The following ZBTB20 variants were observed in gnomAD, a reference collection of about 807,000 sequenced individuals.
ZBTB20 encodes the protein zinc finger and BTB domain containing 20.
In ZBTB20, 9 loss-of-function variants were observed where a neutral mutation model predicts 56.9. That is an observed-to-expected ratio of 0.16 (90% CI 0.10 to 0.28). The LOEUF is 0.28. Ranked by LOEUF, ZBTB20 falls within the 10% of genes least tolerant of loss-of-function variation. ZBTB20 has a pLI of 1.00. For synonymous variants in ZBTB20, 417 were observed against 420.7 expected (o/e 0.99, Z 0.11); for missense variants, 655 against 1,003.0 (o/e 0.65, Z 4.69).
At chr3:114,417,598 T>C (rs1291500636) in intron 7 of ZBTB20, among the ~76,000 whole-genome samples, 2 of 152,114 alleles carry the variant, frequency 1.3e-5, no homozygotes, top group East Asian at 1.9e-4. Context: ...ATTTCTGCAG[T>C]GTTCAATTTT....
chr3:114,986,127 G>A lies in ZBTB20; in HGVS notation c.-506-11711C>T, dbSNP rs569363401. Among the ~76,000 whole-genome samples, 4 of 152,154 alleles carry A rather than the reference G, an allele frequency of 2.6e-5. No homozygotes were observed. In the South Asian group the frequency reaches 8.3e-4, roughly 32 times the overall value. ...GACTTGTGTTAGAATCTGCTTTTCT[G>A]TGATACACATTTTGCTTTTATATGA... is the stretch of plus-strand genomic sequence containing the variant. On this transcript the variant is annotated intron_variant, in intron 2 of 11. Transcript: ENST00000675478.
intron 6 of ZBTB20, among the ~76,000 whole-genome samples, chr3:114,665,026 A>C (rs1045565960): frequency 6.6e-6 from 1 of 152,112 alleles, no homozygotes; most frequent in Non-Finnish European, 1.5e-5. Context: ...AGGAAAAGCT[A>C]AACTGATGGA....
chr3:114,560,702 T>A (rs1312526935), intron 6 of ZBTB20, among the ~76,000 whole-genome samples: 2 of 152,308 alleles, frequency 1.3e-5, no homozygotes, highest in Non-Finnish European at 2.9e-5. Flanking sequence ...TGAGTGGTAA[T>A]CTTTTTGCTG....
chr3:114,830,012 C>G (rs1319161268), intron 4 of ZBTB20, among the ~76,000 whole-genome samples: 1 of 151,918 alleles, frequency 6.6e-6, no homozygotes, highest in African/African-American at 2.4e-5. Flanking sequence ...GTCAACTGAT[C>G]TCTATGAGTT....
At chr3:114,618,082 T>C (rs1368482714) in intron 6 of ZBTB20, among the ~76,000 whole-genome samples, 1 of 151,438 alleles carries the variant, frequency 6.6e-6, no homozygotes, top group Non-Finnish European at 1.5e-5. Flanking sequence ...GATTTCTGTT[T>C]TTTTTTTTCT....
At chr3:114,365,669 A>G (rs1345249639) in intron 10 of ZBTB20, among the ~76,000 whole-genome samples, 1 of 152,230 alleles carries the variant, frequency 6.6e-6, no homozygotes, top group Non-Finnish European at 1.5e-5. Context: ...TGGGAGTGGG[A>G]AAACCTTTCC....
chr3:114,389,357 G>A (rs905233235), intron 7 of ZBTB20, among the ~76,000 whole-genome samples: 5 of 152,116 alleles, frequency 3.3e-5, no homozygotes, highest in Non-Finnish European at 5.9e-5. Flanking sequence ...CAGTGCGGGC[G>A]GAGCTGATTT....
chr3:115,107,691 C>T (rs2083762261), intron 1 of ZBTB20, among the ~76,000 whole-genome samples: 1 of 152,138 alleles, frequency 6.6e-6, no homozygotes, highest in Non-Finnish European at 1.5e-5. Context: ...GATACATGCA[C>T]AGGTATGTTT....
chr3:114,352,531 G>A (rs2080788113), intron 10 of ZBTB20, among the ~76,000 whole-genome samples: 1 of 152,202 alleles, frequency 6.6e-6, no homozygotes, highest in South Asian at 2.1e-4. Context: ...CCGGATGATG[G>A]ATGGGCTACA....
At chr3:114,844,535 A>AC (rs2074572358) in intron 4 of ZBTB20, among the ~76,000 whole-genome samples, 1 of 139,900 alleles carries the variant, frequency 7.1e-6, no homozygotes, top group Non-Finnish European at 1.5e-5. Flanking sequence ...AAAAAAAAAA[A>AC]AAAAAAAAAA....
At chr3:114,455,002 A>C (rs567959335) in intron 7 of ZBTB20, among the ~76,000 whole-genome samples, 1 of 139,852 alleles carries the variant, frequency 7.2e-6, no homozygotes, top group Admixed American at 7.1e-5. Flanking sequence ...ACACCAACCG[A>C]GGGAGGGAGA....
intron 6 of ZBTB20, among the ~76,000 whole-genome samples, chr3:114,628,749 CTAA>C (rs1354988365): frequency 6.6e-6 from 1 of 152,126 alleles, no homozygotes; most frequent in African/African-American, 2.4e-5. Context: ...TAACAGGTTA[CTAA>C]TAATTTCTGA....
At chr3:114,375,880 A>C (rs1422610933) in intron 10 of ZBTB20, 5 of 152,252 alleles carry the variant, frequency 3.3e-5, no homozygotes, top group Non-Finnish European at 5.9e-5. Context: ...TATGTCATCT[A>C]TTAGGCCTGG....
At chr3:114,656,152 G>A (rs1210600976) in intron 6 of ZBTB20, among the ~76,000 whole-genome samples, 6 of 152,144 alleles carry the variant, frequency 3.9e-5, no homozygotes, top group South Asian at 4.1e-4. Context: ...GGAATGAGTC[G>A]ATGTTTGATT....
intron 4 of ZBTB20, among the ~76,000 whole-genome samples, chr3:114,863,756 T>C (rs2075640072): frequency 6.6e-6 from 1 of 152,124 alleles, no homozygotes; most frequent in Non-Finnish European, 1.5e-5. Flanking sequence ...TTGGGTTCAC[T>C]TGTAGGACAC....
In ZBTB20 at chr3:114,371,583, T is replaced by TGTG. The variant is rs577852871; in HGVS notation, c.199+8631_199+8633dup. Among the ~76,000 whole-genome samples the TGTG allele has an allele frequency of 4.0e-3, 604 of 152,334 alleles. 4 individuals carry two copies. The highest frequency in any genetic ancestry group is 0.014 in the African/African-American group (579 of 41,576). On this transcript the variant is annotated intron_variant, in intron 10 of 11. Coordinates refer to ENST00000675478, the MANE Select transcript of ZBTB20 (RefSeq NM_001348800.3). ...ACTGCGTCCTGCACAATACTTAGCC[T>TGTG]GTGGTCCTCCACATTGAAAGCATCC...
At chr3:114,483,092 G>C (rs1377672954) in intron 7 of ZBTB20, among the ~76,000 whole-genome samples, 1 of 152,158 alleles carries the variant, frequency 6.6e-6, no homozygotes, top group East Asian at 1.9e-4. Context: ...GCAGTGAAGA[G>C]CCTTGACAGC....
At chr3:114,617,175 C>T (rs1194142764) in intron 6 of ZBTB20, among the ~76,000 whole-genome samples, 2 of 152,200 alleles carry the variant, frequency 1.3e-5, no homozygotes, top group Non-Finnish European at 2.9e-5. Flanking sequence ...CTGAATGCCA[C>T]AAGATGAAGT....
chr3:114,379,626 A>G (rs1448743526), intron 10 of ZBTB20, among the ~76,000 whole-genome samples: 1 of 152,202 alleles, frequency 6.6e-6, no homozygotes, highest in Admixed American at 6.5e-5. Flanking sequence ...TAATTAAAAA[A>G]TATTTTTAAC....
Sources: allele counts gnomAD v4.1 joint callset (sites outside exome capture counted in the v4.1 genomes callset), GRCh38; gene constraint gnomAD v4.1.1; transcripts MANE v1.5; gene names NCBI Gene and HGNC (gene_info 2026-07-23, HGNC 2026-07-21).